The following MTHFD1L variants were observed in gnomAD, a reference collection of about 807,000 sequenced individuals.
MTHFD1L encodes the protein methylenetetrahydrofolate dehydrogenase (NADP+ dependent) 1 like.
MTHFD1L carries 81 observed loss-of-function variants against 119.5 expected under a neutral mutation model. The ratio of observed to expected loss-of-function variants is 0.68; its 90% CI spans 0.57 to 0.82. MTHFD1L has a LOEUF of 0.82. Ranked by LOEUF, MTHFD1L falls within the 40% of genes least tolerant of loss-of-function variation. The pLI is 0.00. For missense variants in MTHFD1L, 1,125 were observed against 1,253.4 expected (o/e 0.90, Z 1.55); for synonymous variants, 430 against 475.2 (o/e 0.90, Z 1.24).
chr6:150,866,308 C>A (rs1245681896), intron 1 of MTHFD1L: 9 of 1,466,730 alleles, frequency 6.1e-6, no homozygotes, highest in Non-Finnish European at 8.1e-6. Context: ...GGGCGCCTAG[C>A]GGCATGGACC....
intron 20 of MTHFD1L, among the ~76,000 whole-genome samples, chr6:150,989,915 A>G (rs754229242): frequency 3.3e-5 from 5 of 152,250 alleles, no homozygotes; most frequent in Non-Finnish European, 7.3e-5. Context: ...AGGAAAATGA[A>G]CTTCGTGGTT....
intron 26 of MTHFD1L, among the ~76,000 whole-genome samples, chr6:151,037,609 G>A (rs1448015853): frequency 6.6e-6 from 1 of 152,168 alleles, no homozygotes; most frequent in African/African-American, 2.4e-5. Flanking sequence ...CTGAATCATA[G>A]GAGTTCTCAT....
At chr6:150,973,179 C>G (rs928560621) in intron 20 of MTHFD1L, among the ~76,000 whole-genome samples, 4 of 152,204 alleles carry the variant, frequency 2.6e-5, no homozygotes, top group African/African-American at 9.6e-5. Context: ...GGATCAAACT[C>G]AAAAGAGTTA....
At chr6:150,871,092 C>A (rs972116760) in intron 1 of MTHFD1L, among the ~76,000 whole-genome samples, 1 of 143,362 alleles carries the variant, frequency 7.0e-6, no homozygotes, top group African/African-American at 2.6e-5. Context: ...TATATATACA[C>A]ACCTTAATAT....
chr6:150,934,638 T>C (rs4869955), intron 11 of MTHFD1L, among the ~76,000 whole-genome samples: 14,418 of 152,274 alleles, frequency 0.095, 978 homozygotes, highest in Admixed American at 0.2. Context: ...AGACATTCTT[T>C]CTTTGTGGTT....
In MTHFD1L at chr6:150,990,769, A is replaced by AT. The variant is rs1769244657; in HGVS notation, c.2125+18715dup. On this transcript the variant is annotated intron_variant, in intron 20 of 27. Transcript: ENST00000367321. ...GAGCCACTGCACCTGGCCAGATGAC[A>AT]TTTTAAATTAGTGGTGAATGGATGG... Among the ~76,000 whole-genome samples, 4 of 152,144 alleles carry AT rather than the reference A, an allele frequency of 2.6e-5. No individual in the cohort carries two copies. In the South Asian group the frequency reaches 8.3e-4, roughly 32 times the overall value.
intron 26 of MTHFD1L, among the ~76,000 whole-genome samples, chr6:151,072,744 G>T (rs117365860): frequency 5.9e-5 from 9 of 152,076 alleles, no homozygotes; most frequent in Non-Finnish European, 1.0e-4. Context: ...AACAGAGGTT[G>T]CAGTGAGCGG....
Position 151,039,138 on chromosome 6 carries a change from G to A in MTHFD1L, c.2847+2021G>A, listed in dbSNP as rs776319852. Among the ~76,000 whole-genome samples the A allele has an allele frequency of 2.6e-5, 4 of 152,134 alleles. No homozygotes were observed. Among genetic ancestry groups the A allele is most frequent in the East Asian group, 1.9e-4 (1 of 5,184 alleles). On this transcript the variant is annotated intron_variant, in intron 26 of 27. Transcript: ENST00000367321. This position sits in a 1 kb window ranked among gnomAD's most constrained non-coding sequence, Gnocchi z 4.4. ...CTGAAACACCCACGTTAATGCAGCC[G>A]ACTCCTAGCAGGGGTGCCTTCCAGG...
At chr6:151,057,445 A>C in intron 26 of MTHFD1L, 1 of 587,606 alleles carries the variant, frequency 1.7e-6, no homozygotes, top group Non-Finnish European at 2.1e-6. Context: ...GTTTGAGACC[A>C]GCCTGGGCAA....
intron 26 of MTHFD1L, among the ~76,000 whole-genome samples, chr6:151,085,804 C>T (rs915306423): frequency 1.3e-5 from 2 of 152,004 alleles, no homozygotes; most frequent in African/African-American, 4.8e-5. Flanking sequence ...CCTGAATGTC[C>T]CAAGGGTCTG....
rs144922621 is a variant in MTHFD1L at position 150,938,426 on chromosome 6, A to C, written c.1394-273A>C. Among the ~76,000 whole-genome samples the C allele has an allele frequency of 1.6e-4, 24 of 152,272 alleles. No individual in the cohort carries two copies. The East Asian group carries it at 3.9e-3, about 24-fold the overall frequency. ...AATAATAAATTATCAAAATATTCTC[A>C]TATCCTGGTATGTTTTACAGTAATG... On this transcript the variant is annotated intron_variant, in intron 12 of 27. Coordinates refer to ENST00000367321, the MANE Select transcript of MTHFD1L (RefSeq NM_015440.5).
rs550207744 is a variant in MTHFD1L, at chr6:150,926,738, T to G, written c.1256+443T>G. Among the ~76,000 whole-genome samples the G allele has an allele frequency of 4.6e-5, 7 of 152,362 alleles. No individual in the cohort carries two copies. Among genetic ancestry groups the G allele is most frequent in the Admixed American group, 1.3e-4 (2 of 15,300 alleles). On this transcript the variant is annotated intron_variant, in intron 11 of 27. Transcript: ENST00000367321. This position sits in a 1 kb window ranked among gnomAD's most constrained non-coding sequence, Gnocchi z 4.3. The stretch of plus-strand genomic sequence containing the variant: ...TAATATCCTTGATCTTACCTACATA[T>G]TCACATTTCAAAAGCTCATTATTTC...
At chr6:151,052,324 C>G (rs1432273638) in intron 26 of MTHFD1L, among the ~76,000 whole-genome samples, 1 of 152,174 alleles carries the variant, frequency 6.6e-6, no homozygotes, top group Non-Finnish European at 1.5e-5. Flanking sequence ...TCAAAACATT[C>G]TTGCGTGTCT....
chr6:151,033,430 CTT>C, intron 24 of MTHFD1L, among the ~76,000 whole-genome samples: 1 of 152,214 alleles, frequency 6.6e-6, no homozygotes, highest in African/African-American at 2.4e-5. Context: ...ACATATGCAT[CTT>C]TACCCACAGG....
In MTHFD1L at chr6:150,865,768, C is replaced by T; in HGVS notation, c.-55C>T. 12 of 1,230,788 alleles carry T rather than the reference C, an allele frequency of 9.7e-6. No individual in the cohort carries two copies. Among genetic ancestry groups the T allele is most frequent in the South Asian group, 2.1e-5 (1 of 48,504 alleles). The allele number at this position is 1,230,788 out of a possible 1,614,324, so 76.2% of individuals were successfully genotyped here. ...CCGCCTGCTCCCCTGGCACGCGCCC[C>T]GCCGCCCTCGGCAGCCGCAGCTCCG... On this transcript the variant is annotated 5_prime_UTR_variant, in exon 1 of 28. Coordinates refer to ENST00000367321, the MANE Select transcript of MTHFD1L (RefSeq NM_015440.5).
chr6:151,037,979 TTTTATAATAAACCATGTTGCTTTA>T (rs1286662795), intron 26 of MTHFD1L, among the ~76,000 whole-genome samples: 1 of 152,248 alleles, frequency 6.6e-6, no homozygotes, highest in Non-Finnish European at 1.5e-5. Flanking sequence ...TATCATAATT[TTTTATAATAAACCATGTTGCTTTA>T]TTGTGCAAAC....
chr6:151,068,890 T>G (rs1169090186), intron 26 of MTHFD1L, among the ~76,000 whole-genome samples: 1 of 152,222 alleles, frequency 6.6e-6, no homozygotes, highest in Admixed American at 6.5e-5. Flanking sequence ...GTGCACAGCC[T>G]GATTTCTTTT....
intron 26 of MTHFD1L, among the ~76,000 whole-genome samples, chr6:151,089,173 A>T (rs559985789): frequency 1.7e-4 from 26 of 152,294 alleles, no homozygotes; most frequent in Non-Finnish European, 3.1e-4. Flanking sequence ...GATACCTTTG[A>T]CCTAGAGAGT....
intron 20 of MTHFD1L, among the ~76,000 whole-genome samples, chr6:150,973,396 C>G (rs1475022924): frequency 6.6e-6 from 1 of 152,184 alleles, no homozygotes; most frequent in Admixed American, 6.5e-5. Flanking sequence ...GGTAGCAAAT[C>G]CACTGCAAGA....
Sources: gnomAD v4.1 joint callset for allele counts (sites outside exome capture counted in the v4.1 genomes callset) on GRCh38, gnomAD v4.1.1 for gene constraint, Gnocchi (gnomAD v3.1) non-coding constraint, MANE v1.5 for transcripts, NCBI Gene and HGNC (gene_info 2026-07-23, HGNC 2026-07-21) for gene names.